Variants in SYNE2 observed in about 807,000 individuals in gnomAD.
SYNE2 encodes the protein spectrin repeat containing nuclear envelope protein 2.
SYNE2 carries 431 observed loss-of-function variants against 856.3 expected under a neutral mutation model. The ratio of observed to expected loss-of-function variants is 0.50; its 90% confidence interval spans 0.47 to 0.55. The LOEUF is 0.55. SYNE2 is among the 20% of genes least tolerant of loss of function. The pLI, the probability that SYNE2 is intolerant of heterozygous loss-of-function variation, is 0.00. For missense variants in SYNE2, 8,129 were observed against 8,023.2 expected, an observed-to-expected ratio of 1.01 and a Z score of -0.50; for synonymous variants, 2,923 against 2,872.3, an observed-to-expected ratio of 1.02 and a Z score of -0.56.
chr14:64,081,319 T>C, intron 56 of SYNE2, 124 bp from the exon 57 acceptor site: 1 of 1,184,000 alleles, frequency 8.4e-7, no homozygotes. Flanking sequence ...GCCCCAGCCA[T>C]GGGGAGCAGA....
intron 70 of SYNE2, among the ~76,000 whole-genome samples, chr14:64,124,179 C>T (rs2097919007): frequency 6.6e-6 from 1 of 151,808 alleles, no homozygotes; most frequent in Admixed American, 6.6e-5. Flanking sequence ...CACTCCAGCC[C>T]TGGTGACAAC....
intron 1 of SYNE2, among the ~76,000 whole-genome samples, chr14:63,803,508 G>A: frequency 6.6e-6 from 1 of 152,212 alleles, no homozygotes; most frequent in South Asian, 2.1e-4. Flanking sequence ...ACTGGTCCGG[G>A]TGCTAAGTCC....
chr14:63,932,620 C>G (rs1178338446), intron 2 of SYNE2, among the ~76,000 whole-genome samples: 1 of 152,214 alleles, frequency 6.6e-6, no homozygotes, highest in Non-Finnish European at 1.5e-5. Flanking sequence ...GGGAGGATCA[C>G]TTGAGCCGTG....
In SYNE2 at chr14:64,093,490, T is replaced by C. The variant is rs184130759; in HGVS notation, c.12108+10T>C. 1.9e-4 allele frequency: 307 copies of C among 1,614,162 alleles called. 2 individuals carry two copies. The African/African-American group carries it at 3.7e-3, about 20-fold the overall frequency. On this transcript the variant is annotated intron_variant, in intron 61 of 115. Transcript: ENST00000555002. ...GCTGCCACAACTACAGGTATGTTTC[T>C]TTCATTCATAAAGGTATGTTTCATT...
intron 32 of SYNE2, among the ~76,000 whole-genome samples, chr14:64,011,849 G>T (rs1249794792): frequency 1.3e-5 from 2 of 152,166 alleles, no homozygotes; most frequent in East Asian, 3.9e-4. Flanking sequence ...CCTCCAGGGA[G>T]CTGACTCCAT....
At chr14:64,086,689 T>G (rs755889286) in intron 57 of SYNE2, among the ~76,000 whole-genome samples, 2 of 150,410 alleles carry the variant, frequency 1.3e-5, no homozygotes, top group African/African-American at 2.4e-5. Flanking sequence ...TTTGTGATTT[T>G]CAGTATGCAG....
chr14:64,130,282 A>G (rs2098002224), intron 76 of SYNE2, 34 bp downstream of exon 76: 1 of 1,539,476 alleles, frequency 6.5e-7, no homozygotes, highest in African/African-American at 1.4e-5. Flanking sequence ...TGACCCCTTC[A>G]TAGACTAAAA....
intron 1 of SYNE2, among the ~76,000 whole-genome samples, chr14:63,829,346 G>T (rs929940414): frequency 9.9e-5 from 15 of 152,086 alleles, no homozygotes; most frequent in Admixed American, 9.2e-4. Flanking sequence ...GAGCCCAAGT[G>T]GTCAAGGTTG....
intron 48 of SYNE2, 75 bp from the exon 49 acceptor site, chr14:64,055,869 C>A: frequency 9.0e-7 from 1 of 1,105,488 alleles, no homozygotes; most frequent in South Asian, 1.4e-5. Context: ...ATCTATGTAC[C>A]ACGAAAACTT....
rs1406788174 is a variant in SYNE2 at position 64,025,020 on chromosome 14, A to G, written c.5949A>G (p.Leu1983=). Residue 1983 remains leucine, a synonymous_variant, in exon 40 of 116, where the codon TTA becomes TTG. Coordinates refer to ENST00000555002, the MANE Select transcript of SYNE2 (RefSeq NM_182914.3). ...AAACTGAGCTGTTCTGCCAAGCTTT[A>G]GCTAGAAAGAGGTATAGCTGATCTT... ...GEKTELFCQA[L]ARKREQFESV... 28 of 1,613,996 alleles carry G rather than the reference A, an allele frequency of 1.7e-5. No homozygotes were observed. Among genetic ancestry groups the G allele is most frequent in the Non-Finnish European group, 2.4e-5 (28 of 1,179,986 alleles).
intron 1 of SYNE2, among the ~76,000 whole-genome samples, chr14:63,813,304 G>A (rs114646824): frequency 9.5e-4 from 145 of 152,274 alleles, no homozygotes; most frequent in African/African-American, 3.1e-3. Flanking sequence ...GAGAAAAATC[G>A]TGTTTCAGTA....
intron 8 of SYNE2, among the ~76,000 whole-genome samples, chr14:63,961,254 C>G (rs929046990): frequency 1.3e-5 from 2 of 152,222 alleles, no homozygotes; most frequent in African/African-American, 4.8e-5. Context: ...AGACATACCC[C>G]ATAGTGATAC....
Position 64,225,377 on chromosome 14 carries a change from C to G in SYNE2, c.20575C>G (p.Leu6859Val). The G allele has an allele frequency of 1.2e-6, 2 of 1,614,144 alleles. No homozygotes were observed. Among genetic ancestry groups the G allele is most frequent in the African/African-American group, 1.3e-5 (1 of 75,064 alleles). ...SFLSRVVRAA[L>V]PLQLLLLLLL... ...CCTCTCAAGGGTGGTCCGGGCAGCC[C>G]TACCCCTGCAGCTGCTCCTCCTGCT... Residue 6859 changes from leucine to valine, a missense_variant, in exon 116 of 116, where the codon CTA becomes GTA. Physicochemically the swap from Leu to Val is conservative, Grantham distance 32. Transcript: ENST00000555002.
At chr14:63,976,539 TC>T (rs377185368) in intron 11 of SYNE2, 23 bp from the exon 12 acceptor site, 77 of 1,503,700 alleles carry the variant, frequency 5.1e-5, no homozygotes, top group Admixed American at 1.1e-4. Flanking sequence ...AAGAATATGT[TC>T]TTTTTTTTTT....
intron 1 of SYNE2, among the ~76,000 whole-genome samples, chr14:63,770,506 G>C (rs1886859997): frequency 6.6e-6 from 1 of 152,132 alleles, no homozygotes; most frequent in Non-Finnish European, 1.5e-5. Context: ...ATTCAAATAA[G>C]TATAAAATGA....
chr14:63,882,595 C>T (rs1286303999), intron 1 of SYNE2, among the ~76,000 whole-genome samples: 1 of 151,544 alleles, frequency 6.6e-6, no homozygotes, highest in Non-Finnish European at 1.5e-5. Flanking sequence ...TGTGGTGTCA[C>T]ACGCCTGTGG....
At chr14:64,076,595 T>C (rs1174487344) in intron 54 of SYNE2, among the ~76,000 whole-genome samples, 5 of 152,100 alleles carry the variant, frequency 3.3e-5, no homozygotes, top group Admixed American at 6.5e-5. Flanking sequence ...TCTTTATACC[T>C]GAAAGTCCAG....
At chr14:63,801,376 TA>T (rs969534397) in intron 1 of SYNE2, among the ~76,000 whole-genome samples, 1 of 151,264 alleles carries the variant, frequency 6.6e-6, no homozygotes, top group Non-Finnish European at 1.5e-5. Flanking sequence ...AAATAAAATT[TA>T]AAAAAAAAGA....
At chr14:64,029,827 T>G (rs532388408) in intron 43 of SYNE2, 68 bp from the exon 44 acceptor site, 3 of 1,510,352 alleles carry the variant, frequency 2.0e-6, no homozygotes, top group Non-Finnish European at 2.7e-6. Context: ...ATTAGTCATT[T>G]AATTATTTTG....
Sources: gnomAD v4.1 joint callset for allele counts (sites outside exome capture counted in the v4.1 genomes callset) on GRCh38, gnomAD v4.1.1 for gene constraint, MANE v1.5 for transcripts, NCBI Gene and HGNC (gene_info 2026-07-23, HGNC 2026-07-21) for gene names.